The following BACE2 variants were observed in gnomAD, a reference collection of about 807,000 sequenced individuals.
The protein encoded by BACE2 is 56 kDa aspartic-like protease.
In BACE2, 17 loss-of-function variants were observed where a neutral mutation model predicts 46.2. The observed-to-expected ratio is 0.37, with a 90% CI of 0.25 to 0.55. BACE2 has a LOEUF of 0.55. Among genes scored for constraint, BACE2 ranks in the 20% least tolerant of loss-of-function variants. BACE2 has a pLI of 0.82. For synonymous variants in BACE2, 277 were observed against 295.9 expected (o/e 0.94, Z 0.66); for missense variants, 595 against 698.1 (o/e 0.85, Z 1.66).
intron 1 of BACE2, among the ~76,000 whole-genome samples, chr21:41,188,588 A>G (rs1240264297): frequency 6.6e-6 from 1 of 152,232 alleles, no homozygotes; most frequent in Admixed American, 6.5e-5. Context: ...CTTACATACC[A>G]TAGGGAAGGA....
At chr21:41,222,359 C>G (rs1229975994) in intron 1 of BACE2, among the ~76,000 whole-genome samples, 1 of 152,178 alleles carries the variant, frequency 6.6e-6, no homozygotes, top group East Asian at 1.9e-4. Context: ...CAGCCAGGGT[C>G]AGCTTCGTGG....
intron 8 of BACE2, among the ~76,000 whole-genome samples, chr21:41,272,729 T>C (rs1185983306): frequency 2.6e-4 from 39 of 152,230 alleles, no homozygotes; most frequent in Admixed American, 2.6e-3. Context: ...AATATCTTGA[T>C]ATCCTGCCTG....
intron 6 of BACE2, among the ~76,000 whole-genome samples, chr21:41,246,629 TTTA>T (rs1987479142): frequency 6.6e-6 from 1 of 152,198 alleles, no homozygotes; most frequent in Non-Finnish European, 1.5e-5. Flanking sequence ...TAATAATTAT[TTTA>T]TGGCCATGCT....
At chr21:41,225,481 T>C (rs977328769) in intron 1 of BACE2, 2 of 152,122 alleles carry the variant, frequency 1.3e-5, no homozygotes, top group African/African-American at 2.4e-5. Flanking sequence ...CAAAGACAAG[T>C]TGCACTTAAG....
rs560641924 is a variant in BACE2, at chr21:41,257,007, C to T, written c.1135-151C>T. The T allele has an allele frequency of 5.1e-5, 40 of 790,494 alleles. No individual in the cohort carries two copies. In the East Asian group the frequency reaches 9.4e-4, roughly 19 times the overall value. 49.0% of individuals were successfully genotyped at this position (790,494 alleles called of 1,614,324 possible). ...ACCATGCTTTTGATCTTCTCTCCTCCTGGATGGCAGGGTGAGATCATCTTT... is the reference window on the plus strand; with the variant it reads ...ACCATGCTTTTGATCTTCTCTCCTCTTGGATGGCAGGGTGAGATCATCTTT... On this transcript the variant is annotated intron_variant, in intron 7 of 8. Transcript: ENST00000330333.
intron 1 of BACE2, among the ~76,000 whole-genome samples, chr21:41,196,801 G>A (rs926888390): frequency 4.6e-5 from 7 of 152,150 alleles, no homozygotes; most frequent in African/African-American, 9.7e-5. Context: ...CCTGGTCTTC[G>A]TTGACGGTGA....
At chr21:41,206,835 A>G (rs1986141378) in intron 1 of BACE2, among the ~76,000 whole-genome samples, 1 of 152,100 alleles carries the variant, frequency 6.6e-6, no homozygotes. Context: ...GTTAATATCT[A>G]GAATAATTGC....
intron 1 of BACE2, among the ~76,000 whole-genome samples, chr21:41,224,245 C>T (rs910182212): frequency 7.3e-5 from 8 of 108,998 alleles, no homozygotes; most frequent in African/African-American, 2.7e-4. Flanking sequence ...GATGGAGTAT[C>T]GTTCTGTCAC....
At chr21:41,209,648 A>T (rs1077339) in intron 1 of BACE2, among the ~76,000 whole-genome samples, 1 of 151,950 alleles carries the variant, frequency 6.6e-6, no homozygotes, top group Non-Finnish European at 1.5e-5. Context: ...CTCTTTATTA[A>T]CCCAGGGTAC....
chr21:41,171,695 T>C (rs1338392767), intron 1 of BACE2, among the ~76,000 whole-genome samples: 1 of 152,238 alleles, frequency 6.6e-6, no homozygotes, highest in East Asian at 1.9e-4. Context: ...GAGACTTTCA[T>C]GTTAACACAA....
intron 1 of BACE2, among the ~76,000 whole-genome samples, chr21:41,208,378 G>A (rs1475484784): frequency 2.6e-5 from 4 of 152,216 alleles, no homozygotes; most frequent in East Asian, 1.9e-4. Context: ...TTCTGGGGGT[G>A]GGAGAGGGCA....
At chr21:41,249,505 C>T (rs1271205321) in intron 6 of BACE2, among the ~76,000 whole-genome samples, 1 of 152,210 alleles carries the variant, frequency 6.6e-6, no homozygotes, top group East Asian at 1.9e-4. Context: ...CATTCCTTCA[C>T]AGTGGCACCC....
chr21:41,211,978 T>C (rs1169666142), intron 1 of BACE2, among the ~76,000 whole-genome samples: 3 of 152,260 alleles, frequency 2.0e-5, no homozygotes, highest in South Asian at 4.1e-4. Context: ...GGCTAGACCA[T>C]GGCTTCTAGC....
chr21:41,245,821 A>G (rs1987448917), intron 5 of BACE2, 141 bp from the exon 6 acceptor site: 4 of 555,924 alleles, frequency 7.2e-6, no homozygotes, highest in Non-Finnish European at 1.3e-5. Context: ...TGAGAACATG[A>G]ATGAACTACA....
chr21:41,241,765 C>T, intron 3 of BACE2, 54 bp from the exon 4 acceptor site: 1 of 1,605,238 alleles, frequency 6.2e-7, no homozygotes. Context: ...CTGGGTGACC[C>T]ATGTCTACAC....
intron 5 of BACE2, among the ~76,000 whole-genome samples, chr21:41,244,225 C>T (rs1226525240): frequency 6.6e-6 from 1 of 152,208 alleles, no homozygotes; most frequent in Non-Finnish European, 1.5e-5. Context: ...TATTACCCAT[C>T]ACATCCCAAC....
intron 1 of BACE2, among the ~76,000 whole-genome samples, chr21:41,169,943 G>T (rs1984545108): frequency 6.6e-6 from 1 of 152,170 alleles, no homozygotes; most frequent in South Asian, 2.1e-4. Context: ...CAGCCAACAC[G>T]TGGGAACATG....
rs1179323120 is a variant in BACE2 at position 41,243,865 on chromosome 21, G to A, written c.882+355G>A. ...AATAAACAGATTTTTAATCAGTGTA[G>A]GACAGAGAAGGACGAAAATTAAGCA... On this transcript the variant is annotated intron_variant, in intron 5 of 8. Coordinates refer to ENST00000330333, the MANE Select transcript of BACE2 (RefSeq NM_012105.5). 2.0e-5 allele frequency among the ~76,000 whole-genome samples: 3 copies of A among 152,178 alleles called. No homozygotes were observed. The East Asian group carries it at 5.8e-4, about 29-fold the overall frequency.
In BACE2 at chr21:41,220,695, T is replaced by C. The variant is rs150657685; in HGVS notation, c.313-5571T>C. 1.7e-3 allele frequency among the ~76,000 whole-genome samples: 260 copies of C among 150,784 alleles called. 1 individual carries two copies. Among genetic ancestry groups the C allele is most frequent in the African/African-American group, 6.1e-3 (252 of 41,270 alleles). On this transcript the variant is annotated intron_variant, in intron 1 of 8. Coordinates refer to ENST00000330333, the MANE Select transcript of BACE2 (RefSeq NM_012105.5). ...GATGAAGAACCAGATAATAAATTAT[T>C]ATATATAATACATTATATATATGTA...
Sources: allele counts gnomAD v4.1 joint callset (sites outside exome capture counted in the v4.1 genomes callset), GRCh38; gene constraint gnomAD v4.1.1; transcripts MANE v1.5; gene names NCBI Gene and HGNC (gene_info 2026-07-23, HGNC 2026-07-21).